Variants in RNF157 observed in about 807,000 individuals in gnomAD.
The protein encoded by RNF157 is E3 ubiquitin ligase RNF157.
RNF157 carries 55 observed loss-of-function variants against 88.3 expected under a neutral mutation model. The ratio of observed to expected loss-of-function variants is 0.62; its 90% CI spans 0.50 to 0.78. RNF157 has a LOEUF of 0.78. RNF157 is among the 30% of genes least tolerant of loss of function. The pLI, the probability that RNF157 is intolerant of heterozygous loss-of-function variation, is 0.00. For synonymous variants in RNF157, 334 were observed against 341.2 expected (o/e 0.98, Z 0.23); for missense variants, 788 against 860.8 (o/e 0.92, Z 1.06).
intron 2 of RNF157, among the ~76,000 whole-genome samples, chr17:76,205,140 T>C (rs905951049): frequency 1.1e-4 from 16 of 150,592 alleles, no homozygotes; most frequent in African/African-American, 3.9e-4. Context: ...TTTCTTTTTT[T>C]CTTTCTTTTT....
chr17:76,201,261 G>C (rs1296048683), intron 2 of RNF157, among the ~76,000 whole-genome samples: 3 of 149,656 alleles, frequency 2.0e-5, no homozygotes, highest in Non-Finnish European at 4.4e-5. Context: ...TGAGGCAGGA[G>C]GATTGTTTGA....
chr17:76,218,383 G>A (rs1191173121), intron 1 of RNF157, among the ~76,000 whole-genome samples: 1 of 152,212 alleles, frequency 6.6e-6, no homozygotes, highest in Non-Finnish European at 1.5e-5. Context: ...GCTCACGCCT[G>A]CAATCCCAGT....
intron 17 of RNF157, chr17:76,153,009 G>C (rs1460125328): frequency 2.6e-5 from 4 of 152,486 alleles, no homozygotes; most frequent in African/African-American, 9.6e-5. Flanking sequence ...TATGAGACCT[G>C]AGTTGTTATT....
intron 2 of RNF157, among the ~76,000 whole-genome samples, chr17:76,178,287 A>T (rs575669703): frequency 6.6e-6 from 1 of 152,334 alleles, no homozygotes; most frequent in East Asian, 1.9e-4. Context: ...TCCGGGTGCC[A>T]CCACATTCCC....
intron 2 of RNF157, among the ~76,000 whole-genome samples, chr17:76,185,519 G>GA (rs1306248084): frequency 1.5e-4 from 22 of 147,450 alleles, no homozygotes; most frequent in African/African-American, 5.5e-4. Flanking sequence ...GCCCAGGCTG[G>GA]AGTGCAGTGG....
intron 13 of RNF157, among the ~76,000 whole-genome samples, chr17:76,156,757 C>G (rs1031906588): frequency 2.0e-5 from 3 of 152,206 alleles, no homozygotes; most frequent in African/African-American, 7.2e-5. Flanking sequence ...CAGCTGCTTT[C>G]TGATACAAAC....
chr17:76,177,481 C>T (rs1470185436), intron 2 of RNF157, among the ~76,000 whole-genome samples: 2 of 151,930 alleles, frequency 1.3e-5, no homozygotes, highest in East Asian at 1.9e-4. Context: ...CCTGCTGCCT[C>T]GGCCCCTTCC....
intron 2 of RNF157, among the ~76,000 whole-genome samples, chr17:76,197,233 C>T (rs151200200): frequency 1.2e-4 from 18 of 152,180 alleles, no homozygotes; most frequent in Admixed American, 2.6e-4. Context: ...AATATCCAGG[C>T]GATTTTGATG....
chr17:76,190,782 C>T (rs2069372694), intron 2 of RNF157, among the ~76,000 whole-genome samples: 1 of 151,442 alleles, frequency 6.6e-6, no homozygotes. Context: ...TGGCAGGCGC[C>T]CTGTAGTCCC....
Position 76,159,503 on chromosome 17 carries a change from G to A in RNF157, c.1136C>T (p.Pro379Leu), listed in dbSNP as rs780738251. 2.8e-5 allele frequency: 45 copies of A among 1,607,778 alleles called. No individual in the cohort carries two copies. The highest frequency in any genetic ancestry group is 1.7e-4 in the Middle Eastern group (1 of 6,046). The change falls in exon 12 of 19, where the codon CCG (proline) becomes CTG (leucine). Residue 379 changes from proline (P) to leucine (L), a missense_variant. Physicochemically the swap from Pro to Leu is moderately conservative, Grantham distance 98 (BLOSUM62 -3). Transcript: ENST00000269391. ...GTGAAGTGGAGGAACTGCTGGGGAC[G>A]GGGTGAGGGGCCCGTTGAGGGCCTC... Reference protein sequence around the residue: ...LLEALNGPLTPSPAVPPLHVL... With the variant: ...LLEALNGPLTLSPAVPPLHVL...
chr17:76,146,345 T>C lies in RNF157; in HGVS notation c.1922-992A>G, dbSNP rs1307979896. 3 of 985,378 alleles carry C rather than the reference T, an allele frequency of 3.0e-6. No homozygotes were observed. Among genetic ancestry groups the C allele is most frequent in the Non-Finnish European group, 3.6e-6 (3 of 829,922 alleles). The allele number at this position is 985,378 out of a possible 1,614,324, so 61.0% of individuals were successfully genotyped here. ...GAGAGAATGCGAGCGTTGGTGAGTA[T>C]CTGACTCCTAGAATAGCCTGTGCTC... On this transcript the variant is annotated intron_variant, in intron 18 of 18. Transcript: ENST00000269391. This position sits in a 1 kb window ranked among gnomAD's most constrained non-coding sequence, Gnocchi z 4.2.
intron 2 of RNF157, among the ~76,000 whole-genome samples, chr17:76,191,679 T>C (rs745655491): frequency 4.7e-5 from 7 of 148,042 alleles, no homozygotes; most frequent in Non-Finnish European, 1.0e-4. Context: ...AAGGCTGACG[T>C]GGGAGGACTG....
At chr17:76,202,128 T>TCTCTCTCTCTCACACACACACA (rs1250661867) in intron 2 of RNF157, among the ~76,000 whole-genome samples, 17 of 134,660 alleles carry the variant, frequency 1.3e-4, no homozygotes, top group African/African-American at 4.4e-4. Context: ...TCTCTCTCTC[T>TCTCTCTCTCTCACACACACACA]CACACACACA....
intron 1 of RNF157, chr17:76,225,683 T>C (rs751299110): frequency 1.6e-6 from 2 of 1,268,364 alleles, no homozygotes; most frequent in Admixed American, 6.6e-5. Context: ...CAAAATAATT[T>C]ATTGGAACAC....
intron 2 of RNF157, among the ~76,000 whole-genome samples, chr17:76,206,065 A>G (rs550554430): frequency 6.6e-6 from 1 of 151,764 alleles, no homozygotes; most frequent in Non-Finnish European, 1.5e-5. Context: ...CATTCTCTCT[A>G]TAGAAATTTT....
chr17:76,158,496 G>A lies in RNF157; in HGVS notation c.1310C>T (p.Thr437Ile), dbSNP rs147209290. 4 of 1,611,796 alleles carry A rather than the reference G, an allele frequency of 2.5e-6. No homozygotes were observed. The African/African-American group carries it at 4.0e-5, about 16-fold the overall frequency. Residue 437 changes from threonine (T) to isoleucine (I), a missense_variant, in exon 13 of 19, where the codon ACT (threonine) becomes ATT (isoleucine). Coordinates refer to ENST00000269391, the MANE Select transcript of RNF157 (RefSeq NM_052916.3). ...ATGCAGCACGGAAGAGTTTTGGGAA[G>A]TGGATCTGTAGGAGTCCAGTGGAAA... ...LKLKKSLSKSTSQNSSVLHEE... is the reference protein window; with the variant it reads ...LKLKKSLSKSISQNSSVLHEE...
Position 76,161,400 on chromosome 17 carries a change from C to T in RNF157, c.1065+135G>A. ...ATAAGTTGGTTTTAACGCATGCTCT[C>T]AGCCGGCTTGCTAAATACTGCAGCA... On this transcript the variant is annotated intron_variant, in intron 11 of 18. Transcript: ENST00000269391. This position sits in a 1 kb window ranked among gnomAD's most constrained non-coding sequence, Gnocchi z 4.6. 3 of 720,132 alleles carry T rather than the reference C, an allele frequency of 4.2e-6. No homozygotes were observed. The South Asian group carries it at 4.9e-5, about 12-fold the overall frequency. 44.6% of individuals were successfully genotyped at this position (720,132 alleles called of 1,614,324 possible). A position where few individuals can be genotyped will look rare whatever the true frequency, so the allele number is the denominator to read the frequency against.
chr17:76,217,345 T>C (rs1453807022), intron 1 of RNF157, among the ~76,000 whole-genome samples: 1 of 152,138 alleles, frequency 6.6e-6, no homozygotes, highest in Non-Finnish European at 1.5e-5. Flanking sequence ...AATTTACTTA[T>C]TGGTATTTCA....
At chr17:76,212,540 G>C in intron 1 of RNF157, 58 bp from the exon 2 acceptor site, 1 of 1,025,152 alleles carries the variant, frequency 9.8e-7, no homozygotes, top group South Asian at 1.4e-5. Context: ...CCTAAATCTA[G>C]TAAAAAAAAA....
Sources: gnomAD v4.1 joint callset for allele counts (sites outside exome capture counted in the v4.1 genomes callset) on GRCh38, gnomAD v4.1.1 for gene constraint, Gnocchi (gnomAD v3.1) non-coding constraint, MANE v1.5 for transcripts, NCBI Gene and HGNC (gene_info 2026-07-23, HGNC 2026-07-21) for gene names.